CSMD3: variants seen among roughly 807,000 people sequenced by gnomAD.
CSMD3 encodes the protein CUB and sushi domain-containing protein 3.
In CSMD3, 177 loss-of-function variants were observed where a neutral mutation model predicts 435.2. The observed-to-expected ratio is 0.41, with a 90% CI of 0.36 to 0.46. CSMD3 has a LOEUF of 0.46. Ranked by LOEUF, CSMD3 falls within the 20% of genes least tolerant of loss-of-function variation. The probability of loss-of-function intolerance (pLI) is 0.34; values close to 1 mark genes in which losing one functional copy is unlikely to be tolerated. For synonymous variants in CSMD3, 1,656 were observed against 1,520.5 expected, an observed-to-expected ratio of 1.09 and a Z score of -2.07; for missense variants, 4,265 against 4,504.6, an observed-to-expected ratio of 0.95 and a Z score of 1.52.
At chr8:113,408,020 T>A (rs562526056) in intron 1 of CSMD3, among the ~76,000 whole-genome samples, 25 of 152,322 alleles carry the variant, frequency 1.6e-4, no homozygotes, top group African/African-American at 6.0e-4. Flanking sequence ...GCTACTTTTT[T>A]AAATAGTTAA....
intron 10 of CSMD3, among the ~76,000 whole-genome samples, chr8:112,865,763 T>C (rs2080963593): frequency 6.6e-6 from 1 of 151,292 alleles, no homozygotes; most frequent in South Asian, 2.1e-4. Flanking sequence ...CTCATTAGAA[T>C]GTCACATTGA....
chr8:113,371,881 TA>T (rs1385827972), intron 1 of CSMD3, among the ~76,000 whole-genome samples: 1 of 152,184 alleles, frequency 6.6e-6, no homozygotes, highest in African/African-American at 2.4e-5. Context: ...ACAAGGAACT[TA>T]AGACTTTTCA....
At chr8:112,304,392 T>A (rs1586714296) in intron 52 of CSMD3, among the ~76,000 whole-genome samples, 1 of 148,520 alleles carries the variant, frequency 6.7e-6, no homozygotes, top group South Asian at 2.2e-4. Context: ...TTTTTTTTTT[T>A]AACCAAATGA....
At chr8:112,779,183 G>T (rs1231110840) in intron 13 of CSMD3, among the ~76,000 whole-genome samples, 1 of 67,556 alleles carries the variant, frequency 1.5e-5, no homozygotes, top group East Asian at 4.9e-4. Context: ...GTGTGTTTGC[G>T]TGTGTGTGTG....
chr8:112,972,453 A>G (rs775898044), intron 7 of CSMD3, among the ~76,000 whole-genome samples: 49 of 151,948 alleles, frequency 3.2e-4, no homozygotes, highest in Non-Finnish European at 6.6e-4. Flanking sequence ...TTGATTTTAT[A>G]ATCATTCAAG....
At chr8:113,232,374 T>C (rs371744876) in intron 3 of CSMD3, among the ~76,000 whole-genome samples, 2 of 151,754 alleles carry the variant, frequency 1.3e-5, no homozygotes, top group East Asian at 3.9e-4. Context: ...TGTTTGGAGA[T>C]GTCTTTGACT....
intron 6 of CSMD3, among the ~76,000 whole-genome samples, chr8:112,992,457 G>C (rs772395102): frequency 6.6e-5 from 10 of 151,746 alleles, no homozygotes; most frequent in Non-Finnish European, 1.2e-4. Context: ...GGGTAGCCTA[G>C]TTCGCCTTGG....
At chr8:113,132,603 G>A (rs1224677160) in intron 4 of CSMD3, among the ~76,000 whole-genome samples, 1 of 152,092 alleles carries the variant, frequency 6.6e-6, no homozygotes, top group Non-Finnish European at 1.5e-5. Context: ...TTAAGCCTGT[G>A]GAACTGTTAG....
rs778279136 is a variant in CSMD3 at position 112,902,893 on chromosome 8, G to T, written c.1633+18734C>A. Among the ~76,000 whole-genome samples the T allele has an allele frequency of 4.6e-4, 69 of 151,254 alleles. 1 individual carries two copies. Among genetic ancestry groups the T allele is most frequent in the Non-Finnish European group, 1.3e-4 (9 of 67,562 alleles). On this transcript the variant is annotated intron_variant, in intron 10 of 70. Coordinates refer to ENST00000297405, the MANE Select transcript of CSMD3 (RefSeq NM_198123.2). ...TTGTTGAGAGTTGGAATGAACTCAAGAATTTCTAAATCTACTTCACCCACT... is the reference window on the plus strand; with the variant it reads ...TTGTTGAGAGTTGGAATGAACTCAATAATTTCTAAATCTACTTCACCCACT...
intron 59 of CSMD3, among the ~76,000 whole-genome samples, chr8:112,280,212 T>C (rs1388361199): frequency 6.6e-6 from 1 of 152,160 alleles, no homozygotes; most frequent in Non-Finnish European, 1.5e-5. Flanking sequence ...CCAAGTCTCC[T>C]TTGCTACAGA....
chr8:112,921,164 T>C (rs1163396956), intron 10 of CSMD3, among the ~76,000 whole-genome samples: 1 of 151,822 alleles, frequency 6.6e-6, no homozygotes. Context: ...ATGTGACATA[T>C]AAAGCCAGAG....
At chr8:113,330,831 T>C (rs1005171498) in intron 1 of CSMD3, among the ~76,000 whole-genome samples, 1 of 151,884 alleles carries the variant, frequency 6.6e-6, no homozygotes, top group Admixed American at 6.6e-5. Flanking sequence ...AAATAATAGT[T>C]GGAGTCTTTA....
At chr8:112,541,466 G>T (rs1445551297) in intron 27 of CSMD3, among the ~76,000 whole-genome samples, 1 of 151,532 alleles carries the variant, frequency 6.6e-6, no homozygotes, top group African/African-American at 2.4e-5. Context: ...AGACTATATT[G>T]AACAATTATA....
chr8:112,434,736 G>A lies in CSMD3; in HGVS notation c.5396-25704C>T, dbSNP rs183773871. On this transcript the variant is annotated intron_variant, in intron 32 of 70. Transcript: ENST00000297405. ...ATCAATGTGTTCACAAGGATACATT[G>A]TTTTATAAAATTTGCAAAAAAACAC... is the stretch of plus-strand genomic sequence containing the variant. Among the ~76,000 whole-genome samples, 382 of 152,140 alleles carry A rather than the reference G, an allele frequency of 2.5e-3. 3 individuals are homozygous for A. Among genetic ancestry groups the A allele is most frequent in the African/African-American group, 8.5e-3 (354 of 41,522 alleles).
At chr8:112,248,843 GA>G (rs1198870060) in intron 63 of CSMD3, among the ~76,000 whole-genome samples, 2 of 151,946 alleles carry the variant, frequency 1.3e-5, no homozygotes, top group Non-Finnish European at 2.9e-5. Flanking sequence ...TGTCTTCCAT[GA>G]ACCCTCACCT....
intron 20 of CSMD3, among the ~76,000 whole-genome samples, chr8:112,641,760 C>A (rs2074835023): frequency 1.3e-5 from 2 of 152,014 alleles, no homozygotes; most frequent in Admixed American, 6.6e-5. Flanking sequence ...GTCACCTGAG[C>A]CCAGGAAGAC....
intron 6 of CSMD3, among the ~76,000 whole-genome samples, chr8:112,998,387 A>G (rs1296280023): frequency 1.3e-5 from 2 of 151,728 alleles, no homozygotes; most frequent in Non-Finnish European, 2.9e-5. Flanking sequence ...CTGAACCATT[A>G]TTTTCTCTTA....
Position 112,782,106 on chromosome 8 carries a change from C to T in CSMD3, c.1972+18056G>A, listed in dbSNP as rs1450655681. ...TTACCAAATGAACTAAAGAAAGGAC[C>T]AGTGACCAATCCTGTAGTGAAAGAT... is the stretch of plus-strand genomic sequence containing the variant. On this transcript the variant is annotated intron_variant, in intron 13 of 70. Transcript: ENST00000297405. Among the ~76,000 whole-genome samples, 3 of 152,008 alleles carry T rather than the reference C, an allele frequency of 2.0e-5. No homozygotes were observed. The East Asian group carries it at 5.8e-4, about 29-fold the overall frequency.
intron 10 of CSMD3, among the ~76,000 whole-genome samples, chr8:112,872,912 G>A (rs2081177312): frequency 6.6e-6 from 1 of 151,914 alleles, no homozygotes; most frequent in Non-Finnish European, 1.5e-5. Context: ...GAAGAGAGAT[G>A]AGAAGTAAGA....
Sources: allele counts gnomAD v4.1 joint callset (sites outside exome capture counted in the v4.1 genomes callset), GRCh38; gene constraint gnomAD v4.1.1; transcripts MANE v1.5; gene names NCBI Gene and HGNC (gene_info 2026-07-23, HGNC 2026-07-21).